Variants in KPNA3 observed in about 807,000 individuals in gnomAD.
KPNA3 encodes karyopherin subunit alpha 3, also known as importin subunit alpha-4.
KPNA3 carries 13 observed loss-of-function variants against 73.8 expected under a neutral mutation model. That is an observed-to-expected ratio of 0.18 (90% CI 0.11 to 0.28). The LOEUF (loss-of-function observed/expected upper bound fraction) is 0.28, where lower values mean the gene tolerates loss of function less well. KPNA3 is among the 10% of genes least tolerant of loss of function. The pLI is 1.00. For missense variants in KPNA3, 360 were observed against 618.1 expected, an observed-to-expected ratio of 0.58 and a Z score of 4.43; for synonymous variants, 186 against 206.9, an observed-to-expected ratio of 0.90 and a Z score of 0.87.
At chr13:49,709,012 T>C (rs755039622) in intron 12 of KPNA3, among the ~76,000 whole-genome samples, 2 of 152,210 alleles carry the variant, frequency 1.3e-5, no homozygotes, top group African/African-American at 2.4e-5. Flanking sequence ...AATTTAATGA[T>C]TGTTGCTATG....
intron 10 of KPNA3, 74 bp from the exon 11 acceptor site, chr13:49,711,096 G>A (rs1353400971): frequency 2.9e-6 from 4 of 1,394,308 alleles, no homozygotes; most frequent in Non-Finnish European, 3.8e-6. Flanking sequence ...CACCTCAGGA[G>A]TAGTGACAGA....
At chr13:49,741,610 C>T (rs895985377) in intron 2 of KPNA3, among the ~76,000 whole-genome samples, 1 of 152,074 alleles carries the variant, frequency 6.6e-6, no homozygotes, top group Non-Finnish European at 1.5e-5. Flanking sequence ...AATGCCACCA[C>T]GCCCAGCTAA....
At position 49,787,703 on chromosome 13, in the gene KPNA3, G is replaced by A. The variant is rs528786329; in HGVS notation, c.69+4735C>T. The stretch of plus-strand genomic sequence containing the variant: ...TGTATTTTTTTTTTTTTTTTGAGAC[G>A]GAGTTTCGCTCTGTCGCCCAGGCTG... On this transcript the variant is annotated intron_variant, in intron 1 of 16. Transcript: ENST00000261667. Among the ~76,000 whole-genome samples the A allele has an allele frequency of 5.5e-4, 76 of 139,044 alleles. 5 individuals are homozygous for A. In the South Asian group the frequency reaches 0.014, roughly 25 times the overall value. 91.2% of individuals were successfully genotyped at this position (139,044 alleles called of 152,430 possible).
intron 1 of KPNA3, among the ~76,000 whole-genome samples, chr13:49,747,511 C>T (rs780637404): frequency 6.6e-6 from 1 of 152,084 alleles, no homozygotes; most frequent in Non-Finnish European, 1.5e-5. Flanking sequence ...ATGGCAAAAC[C>T]CCATCTCTAC....
At chr13:49,740,702 G>A (rs948203202) in intron 2 of KPNA3, among the ~76,000 whole-genome samples, 3 of 152,110 alleles carry the variant, frequency 2.0e-5, no homozygotes, top group Admixed American at 6.6e-5. Flanking sequence ...TATCAGCAAC[G>A]TGAAAACTGA....
At chr13:49,726,252 T>C (rs1954408278) in intron 6 of KPNA3, among the ~76,000 whole-genome samples, 1 of 152,192 alleles carries the variant, frequency 6.6e-6, no homozygotes, top group Admixed American at 6.5e-5. Context: ...CTGCTTTACA[T>C]ACTAGGGATA....
intron 6 of KPNA3, 129 bp downstream of exon 6, chr13:49,732,237 AAAATT>A (rs1374370392): frequency 4.4e-6 from 2 of 454,446 alleles, no homozygotes; most frequent in African/African-American, 2.0e-5. Context: ...ACAGAATAAG[AAAATT>A]AAATTAAAAT....
chr13:49,719,588 G>A (rs1954336566), intron 10 of KPNA3, among the ~76,000 whole-genome samples, 187 bp downstream of exon 10: 1 of 152,090 alleles, frequency 6.6e-6, no homozygotes, highest in Admixed American at 6.6e-5. Flanking sequence ...GAGCATTTTT[G>A]CTGTCTGGCT....
chr13:49,745,492 T>C (rs367974872), intron 2 of KPNA3, among the ~76,000 whole-genome samples: 1,827 of 151,920 alleles, frequency 0.012, 20 homozygotes, highest in Non-Finnish European at 0.016. Context: ...CCCGAGTAGC[T>C]GGAACTACAG....
intron 1 of KPNA3, among the ~76,000 whole-genome samples, chr13:49,774,511 G>A (rs960159429): frequency 7.9e-5 from 12 of 152,054 alleles, no homozygotes; most frequent in African/African-American, 2.7e-4. Flanking sequence ...CTCCTCTCAA[G>A]GCTATCTTTA....
At chr13:49,710,805 A>G in intron 11 of KPNA3, 86 bp downstream of exon 11, 1 of 1,176,156 alleles carries the variant, frequency 8.5e-7, no homozygotes. Context: ...AAGCACTTAC[A>G]GATAGAATTA....
At chr13:49,710,259 C>CTCAAAA (rs1954248270) in intron 11 of KPNA3, among the ~76,000 whole-genome samples, 1 of 152,166 alleles carries the variant, frequency 6.6e-6, no homozygotes, top group South Asian at 2.1e-4. Flanking sequence ...AAGACTCCAT[C>CTCAAAA]TCAAAAATAT....
At chr13:49,717,507 T>C (rs1463971360) in intron 10 of KPNA3, among the ~76,000 whole-genome samples, 1 of 152,054 alleles carries the variant, frequency 6.6e-6, no homozygotes, top group African/African-American at 2.4e-5. Context: ...TAGGTTATTA[T>C]CTACATGTAT....
intron 12 of KPNA3, among the ~76,000 whole-genome samples, chr13:49,707,052 A>G (rs373134326): frequency 7.9e-5 from 12 of 152,246 alleles, no homozygotes; most frequent in South Asian, 4.1e-4. Context: ...CCCAGCCACT[A>G]TACAACTGAA....
At chr13:49,705,598 T>G in intron 15 of KPNA3, 23 bp downstream of exon 15, 1 of 1,607,458 alleles carries the variant, frequency 6.2e-7, no homozygotes, top group African/African-American at 1.3e-5. Context: ...TCAAATACTC[T>G]TCTTCCATCA....
Position 49,701,430 on chromosome 13 carries a change from GATCCACA to G in KPNA3, c.*363_*369del. On this transcript the variant is annotated 3_prime_UTR_variant, in exon 17 of 17. Coordinates refer to ENST00000261667, the MANE Select transcript of KPNA3 (RefSeq NM_002267.4). ...TATATGCATCATACCAAAGTGTCTT[GATCCACA>G]GCGCACCATTTTCCAAAGGAGTATC... 1 of 471,092 alleles carries G rather than the reference GATCCACA, an allele frequency of 2.1e-6. No individual in the cohort carries two copies. The highest frequency in any genetic ancestry group is 4.4e-6 in the Non-Finnish European group (1 of 227,618). The allele number at this position is 471,092 out of a possible 1,614,324, so 29.2% of individuals were successfully genotyped here.
chr13:49,789,437 C>T (rs1955014261), intron 1 of KPNA3, among the ~76,000 whole-genome samples: 1 of 152,220 alleles, frequency 6.6e-6, no homozygotes, highest in African/African-American at 2.4e-5. Context: ...CTCAAATCCC[C>T]TGGCATAACT....
chr13:49,768,435 T>TA (rs567457218), intron 1 of KPNA3, among the ~76,000 whole-genome samples: 191 of 152,282 alleles, frequency 1.3e-3, no homozygotes, highest in African/African-American at 4.5e-3. Context: ...CGGGATGCTT[T>TA]AGTCAATTTA....
At chr13:49,738,005 T>G (rs1054153637) in intron 2 of KPNA3, among the ~76,000 whole-genome samples, 9 of 152,176 alleles carry the variant, frequency 5.9e-5, no homozygotes, top group Non-Finnish European at 1.0e-4. Flanking sequence ...ATCCAGAAAA[T>G]TCTCTATGTT....
Sources: allele counts gnomAD v4.1 joint callset (sites outside exome capture counted in the v4.1 genomes callset), GRCh38; gene constraint gnomAD v4.1.1; transcripts MANE v1.5; gene names NCBI Gene and HGNC (gene_info 2026-07-23, HGNC 2026-07-21).